Variants in DIP2C observed in about 807,000 individuals in gnomAD.
DIP2C encodes DIP2 acetate--CoA ligase C (putative), also known as disco-interacting protein 2 homolog C.
Under a neutral mutation model 192.4 loss-of-function variants are expected in DIP2C, and 33 were observed. The ratio of observed to expected loss-of-function variants is 0.17; its 90% CI spans 0.13 to 0.23. DIP2C has a LOEUF of 0.23. Among genes scored for constraint, DIP2C ranks in the 10% least tolerant of loss-of-function variants. DIP2C has a pLI of 1.00. For synonymous variants in DIP2C, 979 were observed against 864.1 expected, an observed-to-expected ratio of 1.13 and a Z score of -2.33; for missense variants, 1,537 against 2,110.1, an observed-to-expected ratio of 0.73 and a Z score of 5.32.
chr10:379,929 A>G (rs10751936), intron 17 of DIP2C, among the ~76,000 whole-genome samples: 149,031 of 151,260 alleles, frequency 0.99, 73,420 homozygotes, highest in Middle Eastern at 1. Context: ...ACAGGCAGAA[A>G]AGGCTGTCCC....
chr10:561,703 C>T (rs1296128326), intron 1 of DIP2C, among the ~76,000 whole-genome samples: 2 of 152,198 alleles, frequency 1.3e-5, no homozygotes, highest in Non-Finnish European at 2.9e-5. Flanking sequence ...AATCCAGCAA[C>T]ACAACTCCTG....
intron 1 of DIP2C, among the ~76,000 whole-genome samples, chr10:685,135 CAAAAAAAA>C (rs140709069): frequency 1.7e-3 from 127 of 72,906 alleles, no homozygotes; most frequent in African/African-American, 8.6e-3. Context: ...ACTTGGTCCC[CAAAAAAAA>C]AAAAAAAAAA....
At chr10:384,860 A>G (rs1962740568) in intron 14 of DIP2C, among the ~76,000 whole-genome samples, 1 of 151,574 alleles carries the variant, frequency 6.6e-6, no homozygotes, top group Admixed American at 6.6e-5. Context: ...AGTGAGTGCC[A>G]TGGACACCAG....
intron 1 of DIP2C, among the ~76,000 whole-genome samples, chr10:540,672 C>T (rs1021095085): frequency 1.9e-4 from 29 of 152,122 alleles, no homozygotes; most frequent in Admixed American, 1.8e-3. Context: ...GCCACCAAAT[C>T]GTACACTTAA....
At chr10:523,335 AT>A (rs1473381942) in intron 1 of DIP2C, among the ~76,000 whole-genome samples, 88 of 147,996 alleles carry the variant, frequency 5.9e-4, no homozygotes, top group African/African-American at 1.2e-3. Context: ...TTTCTACCGG[AT>A]GCAAAGGACC....
At chr10:616,721 C>T (rs1001240372) in intron 1 of DIP2C, among the ~76,000 whole-genome samples, 1 of 152,210 alleles carries the variant, frequency 6.6e-6, no homozygotes, top group African/African-American at 2.4e-5. Flanking sequence ...GCCCAGCAAC[C>T]CTGTGTACCT....
intron 13 of DIP2C, among the ~76,000 whole-genome samples, chr10:389,748 G>A (rs1963304106): frequency 6.6e-6 from 1 of 152,224 alleles, no homozygotes; most frequent in Non-Finnish European, 1.5e-5. Context: ...ACTGCCCAAG[G>A]ACACGCTGAC....
intron 1 of DIP2C, among the ~76,000 whole-genome samples, chr10:528,389 C>G (rs1425616661): frequency 1.3e-5 from 2 of 150,946 alleles, no homozygotes; most frequent in African/African-American, 4.9e-5. Context: ...GCAGCTCCCC[C>G]AGAACGCAGA....
chr10:555,719 G>A (rs538061704), intron 1 of DIP2C, among the ~76,000 whole-genome samples: 1 of 152,124 alleles, frequency 6.6e-6, no homozygotes, highest in Non-Finnish European at 1.5e-5. Context: ...AGAATCTAAA[G>A]GCAGGCAAAC....
intron 14 of DIP2C, among the ~76,000 whole-genome samples, chr10:385,720 C>A (rs1015815608): frequency 6.6e-6 from 1 of 152,162 alleles, no homozygotes; most frequent in Non-Finnish European, 1.5e-5. Context: ...TGCCTCACAC[C>A]GCAGCAGTCA....
Position 399,090 on chromosome 10 carries a change from C to T in DIP2C, c.1260+19G>A. On this transcript the variant is annotated intron_variant, in intron 10 of 36. Coordinates refer to ENST00000280886, the MANE Select transcript of DIP2C (RefSeq NM_014974.3). ...CCATCTCACTCAGCGAGAAACCGAG[C>T]AAAGGGCGCATTCCTTACCTTCCTG... is the stretch of plus-strand genomic sequence containing the variant. 14 of 1,599,082 alleles carry T rather than the reference C, an allele frequency of 8.8e-6. 1 individual carries two copies. The highest frequency in any genetic ancestry group is 1.2e-5 in the Non-Finnish European group (14 of 1,166,966).
intron 1 of DIP2C, among the ~76,000 whole-genome samples, chr10:592,200 G>C (rs139458739): frequency 3.9e-5 from 6 of 152,068 alleles, no homozygotes; most frequent in African/African-American, 1.4e-4. Flanking sequence ...TGTAATAATC[G>C]GAGGACCCAT....
At chr10:335,553 C>G (rs1025753623) in intron 29 of DIP2C, among the ~76,000 whole-genome samples, 1 of 152,250 alleles carries the variant, frequency 6.6e-6, no homozygotes, top group East Asian at 1.9e-4. Context: ...GTGACTCTCA[C>G]GACACCAGGC....
At chr10:686,102 C>T (rs1831325740) in intron 1 of DIP2C, among the ~76,000 whole-genome samples, 1 of 152,076 alleles carries the variant, frequency 6.6e-6, no homozygotes. Flanking sequence ...AAAAAGAATA[C>T]CCAATTATAA....
chr10:366,850 G>A (rs1042334980), intron 18 of DIP2C, among the ~76,000 whole-genome samples: 35 of 152,094 alleles, frequency 2.3e-4, no homozygotes, highest in Admixed American at 2.0e-3. Flanking sequence ...GAGCCCTTCC[G>A]AGAACACCAC....
rs547941028 is a variant in DIP2C, at chr10:276,363, G to C, written c.*962C>G. 2 of 152,774 alleles carry C rather than the reference G, an allele frequency of 1.3e-5. No individual in the cohort carries two copies. 9.5% of individuals were successfully genotyped at this position (152,774 alleles called of 1,614,324 possible). A position where few individuals can be genotyped will look rare whatever the true frequency, so the allele number is the denominator to read the frequency against. On this transcript the variant is annotated 3_prime_UTR_variant, in exon 37 of 37. Transcript: ENST00000280886. ...CGGTCTGCGACTGCTGGCAACAGCA[G>C]AGTGTATGTGAGTACGGGGGGCACA...
chr10:582,750 C>A (rs561736653), intron 1 of DIP2C, among the ~76,000 whole-genome samples: 1 of 152,128 alleles, frequency 6.6e-6, no homozygotes, highest in African/African-American at 2.4e-5. Context: ...GAAGCACCAG[C>A]GTGGCCACGT....
chr10:420,483 C>T (rs1427019407), intron 5 of DIP2C, among the ~76,000 whole-genome samples: 3 of 152,202 alleles, frequency 2.0e-5, no homozygotes, highest in Non-Finnish European at 2.9e-5. Context: ...CAGGCAGGCC[C>T]GACTTCCTGC....
intron 18 of DIP2C, 45 bp from the exon 19 acceptor site, chr10:366,456 T>TGGGGAGAATAAAGGAAACA: frequency 3.7e-6 from 6 of 1,611,938 alleles, no homozygotes; most frequent in Non-Finnish European, 5.1e-6. Context: ...AGGGGGCAGG[T>TGGGGAGAATAAAGGAAACA]GGGGAGAATA....
Sources: gnomAD v4.1 joint callset for allele counts (sites outside exome capture counted in the v4.1 genomes callset) on GRCh38, gnomAD v4.1.1 for gene constraint, MANE v1.5 for transcripts, NCBI Gene and HGNC (gene_info 2026-07-23, HGNC 2026-07-21) for gene names.